Variants in RNLS observed in about 807,000 individuals in gnomAD.
RNLS encodes the protein renalase.
A neutral mutation model predicts 39.8 loss-of-function variants in RNLS; 39 were observed. The ratio of observed to expected loss-of-function variants is 0.98; its 90% CI spans 0.76 to 1.28. The LOEUF is 1.28. RNLS is among the 50% of genes most tolerant of loss of function. RNLS has a pLI of 0.00. For missense variants in RNLS, 410 were observed against 413.3 expected (o/e 0.99, Z 0.07); for synonymous variants, 147 against 150.7 (o/e 0.98, Z 0.18).
At chr10:88,560,867 C>T (rs573345192) in intron 4 of RNLS, among the ~76,000 whole-genome samples, 1 of 151,990 alleles carries the variant, frequency 6.6e-6, no homozygotes, top group Non-Finnish European at 1.5e-5. Context: ...AATTGCCCCT[C>T]CCTACCACCA....
intron 6 of RNLS, among the ~76,000 whole-genome samples, chr10:88,288,652 C>T (rs1589463991): frequency 6.6e-6 from 1 of 152,072 alleles, no homozygotes; most frequent in Non-Finnish European, 1.5e-5. Context: ...AGGTTTTGCC[C>T]AGTCATGAGG....
the RNLS span, among the ~76,000 whole-genome samples, chr10:88,242,916 C>T: frequency 1.3e-5 from 2 of 151,968 alleles, no homozygotes; most frequent in Non-Finnish European, 2.9e-5. Flanking sequence ...CATTGCACTC[C>T]AGCCTGGGCA....
the RNLS span, among the ~76,000 whole-genome samples, chr10:88,225,129 G>T: frequency 6.6e-6 from 1 of 152,148 alleles, no homozygotes; most frequent in Non-Finnish European, 1.5e-5. Context: ...ACAATTTTCA[G>T]TTTCTACACC....
the RNLS span, among the ~76,000 whole-genome samples, chr10:88,234,857 G>A: frequency 3.9e-5 from 6 of 152,306 alleles, no homozygotes; most frequent in African/African-American, 1.4e-4. Context: ...AGGACTTCAT[G>A]GAGGAGGTGG....
the RNLS span, among the ~76,000 whole-genome samples, chr10:88,173,611 A>G: frequency 2.1e-4 from 32 of 152,288 alleles, no homozygotes; most frequent in African/African-American, 7.7e-4. Context: ...CTTACAATCC[A>G]GGAATGTGAG....
chr10:88,302,274 T>C (rs1398914146), intron 6 of RNLS, among the ~76,000 whole-genome samples: 2 of 152,178 alleles, frequency 1.3e-5, no homozygotes, highest in Non-Finnish European at 2.9e-5. Flanking sequence ...GTCATAGGAA[T>C]AGTGACAGAA....
At chr10:88,509,486 AGAG>A (rs1162195437) in intron 4 of RNLS, among the ~76,000 whole-genome samples, 1 of 106,418 alleles carries the variant, frequency 9.4e-6, no homozygotes, top group Admixed American at 1.2e-4. Context: ...AGAGGGGAGG[AGAG>A]GAGGAGGGGG....
At chr10:88,484,845 T>G (rs1315868273) in intron 4 of RNLS, among the ~76,000 whole-genome samples, 1 of 151,948 alleles carries the variant, frequency 6.6e-6, no homozygotes, top group Non-Finnish European at 1.5e-5. Context: ...ATTTAAAGTA[T>G]GGCAAAACTT....
chr10:88,534,852 A>G (rs1036443280), intron 4 of RNLS, among the ~76,000 whole-genome samples: 4 of 152,156 alleles, frequency 2.6e-5, no homozygotes, highest in Admixed American at 6.6e-5. Context: ...TTACATGGAC[A>G]CTAACAGACA....
chr10:88,229,426 T>C, the RNLS span, among the ~76,000 whole-genome samples: 1 of 152,242 alleles, frequency 6.6e-6, no homozygotes, highest in African/African-American at 2.4e-5. Flanking sequence ...TTCTTGTTTC[T>C]GTTTAAGAGT....
chr10:88,502,626 T>G (rs1455078484), intron 4 of RNLS, among the ~76,000 whole-genome samples: 1 of 152,176 alleles, frequency 6.6e-6, no homozygotes, highest in African/African-American at 2.4e-5. Context: ...CCCTCAGGTA[T>G]TTTGTTATAG....
chr10:88,560,704 C>G (rs1849127204), intron 4 of RNLS, among the ~76,000 whole-genome samples: 1 of 151,950 alleles, frequency 6.6e-6, no homozygotes, highest in South Asian at 2.1e-4. Context: ...GGGACTAGGG[C>G]AAAGCTCTGC....
chr10:88,565,376 G>C (rs72820087), intron 4 of RNLS, among the ~76,000 whole-genome samples: 6 of 152,058 alleles, frequency 3.9e-5, no homozygotes, highest in Non-Finnish European at 7.4e-5. Context: ...AAAACACAGA[G>C]AGAAGGGTAG....
chr10:88,428,119 T>C (rs1272425424), intron 4 of RNLS, among the ~76,000 whole-genome samples: 1 of 151,970 alleles, frequency 6.6e-6, no homozygotes, highest in Non-Finnish European at 1.5e-5. Flanking sequence ...GGACAAAAGA[T>C]CTGTATGTTA....
At chr10:88,525,952 A>G (rs747762136) in intron 4 of RNLS, among the ~76,000 whole-genome samples, 2 of 152,084 alleles carry the variant, frequency 1.3e-5, no homozygotes, top group Admixed American at 6.6e-5. Context: ...GACTCACTAA[A>G]AAAACTGGCC....
the RNLS span, among the ~76,000 whole-genome samples, chr10:88,187,149 TATATATATAATATATATA>T: frequency 8.1e-4 from 111 of 136,672 alleles, 2 homozygotes; most frequent in African/African-American, 2.9e-3. Context: ...TCAAAAAATA[TATATATATAATATATATA>T]ATATATATAT....
chr10:88,510,597 C>T (rs1477628654), intron 4 of RNLS, among the ~76,000 whole-genome samples: 1 of 151,996 alleles, frequency 6.6e-6, no homozygotes. Flanking sequence ...TAAGGGTTTA[C>T]ACTTTGGGAG....
At chr10:88,196,657 T>A in the RNLS span, among the ~76,000 whole-genome samples, 1 of 152,270 alleles carries the variant, frequency 6.6e-6, no homozygotes, top group South Asian at 2.1e-4. Flanking sequence ...AAAGAACCCA[T>A]AGCATGGGGC....
chr10:88,498,021 C>T (rs1013966049), intron 4 of RNLS, among the ~76,000 whole-genome samples: 1 of 151,432 alleles, frequency 6.6e-6, no homozygotes, highest in East Asian at 1.9e-4. Context: ...TCAATGGATG[C>T]CAAAAACCAG....
Sources: allele counts gnomAD v4.1 joint callset (sites outside exome capture counted in the v4.1 genomes callset), GRCh38; gene constraint gnomAD v4.1.1; transcripts MANE v1.5; gene names NCBI Gene and HGNC (gene_info 2026-07-23, HGNC 2026-07-21).